ATAD3B: variants seen among roughly 807,000 people sequenced by gnomAD.
The protein encoded by ATAD3B is ATPase family AAA domain-containing protein 3B.
A neutral mutation model predicts 70.2 loss-of-function variants in ATAD3B; 59 were observed. That is an observed-to-expected ratio of 0.84 (90% CI 0.68 to 1.04). The LOEUF is 1.04. ATAD3B is among the 50% of genes least tolerant of loss of function. The pLI is 0.00. For missense variants in ATAD3B, 961 were observed against 913.4 expected (o/e 1.05, Z -0.67); for synonymous variants, 423 against 388.6 (o/e 1.09, Z -1.04).
chr1:1,485,237 A>G (rs1640142194), intron 8 of ATAD3B, 66 bp downstream of exon 8: 10 of 1,584,924 alleles, frequency 6.3e-6, no homozygotes, highest in Non-Finnish European at 8.6e-6. Context: ...CCCCACGAGC[A>G]CAGCCCACGC....
At chr1:1,500,256 T>A (rs1355124699), downstream of ATAD3B, among the ~76,000 whole-genome samples, 3 of 148,702 alleles carry the variant, frequency 2.0e-5, no homozygotes, top group Non-Finnish European at 3.0e-5. Context: ...GTTTGGGATT[T>A]TAATTATCCT....
At chr1:1,499,996 C>G (rs1343866203), downstream of ATAD3B, among the ~76,000 whole-genome samples, 1 of 151,174 alleles carries the variant, frequency 6.6e-6, no homozygotes, top group African/African-American at 2.4e-5. Flanking sequence ...CTCCCGGGTT[C>G]AAGCCATTCT....
At position 1,485,767 on chromosome 1, in the gene ATAD3B, CT is replaced by C; in HGVS notation, c.907-13del. On this transcript the variant is annotated splice_polypyrimidine_tract_variant and intron_variant, in intron 8 of 15. Transcript: ENST00000673477. ...GGCAGGTGACCCAATGGTGCTTCCCCTTCCCCTCCGGCAGGTCAGCCGGCGG... is the reference window on the plus strand; with the variant it reads ...GGCAGGTGACCCAATGGTGCTTCCCCTCCCCTCCGGCAGGTCAGCCGGCGG... 4 of 1,612,748 alleles carry C rather than the reference CT, an allele frequency of 2.5e-6. 1 individual carries two copies. Among genetic ancestry groups the C allele is most frequent in the Non-Finnish European group, 1.7e-6 (2 of 1,179,346 alleles).
intron 9 of ATAD3B, 134 bp downstream of exon 9, chr1:1,485,972 C>G: frequency 6.3e-7 from 1 of 1,588,868 alleles, no homozygotes; most frequent in Non-Finnish European, 8.6e-7. Flanking sequence ...TTGGACTGTG[C>G]CGGGGATAGA....
intron 13 of ATAD3B, 128 bp downstream of exon 13, chr1:1,489,402 G>A: frequency 6.6e-7 from 1 of 1,510,478 alleles, no homozygotes; most frequent in Non-Finnish European, 9.0e-7. Context: ...CACCTCAGAT[G>A]TCCCCTGGGA....
At chr1:1,492,529 C>T (rs1640589315) in intron 15 of ATAD3B, among the ~76,000 whole-genome samples, 1 of 151,754 alleles carries the variant, frequency 6.6e-6, no homozygotes, top group Non-Finnish European at 1.5e-5. Flanking sequence ...GGCACAGTGG[C>T]ACATGCCTGT....
chr1:1,505,580 G>T, the ATAD3B span, among the ~76,000 whole-genome samples: 4 of 152,124 alleles, frequency 2.6e-5, no homozygotes, highest in Admixed American at 6.6e-5. Flanking sequence ...TGACGCTACC[G>T]CTAGACCACG....
At chr1:1,492,844 C>T (rs1640603815) in intron 15 of ATAD3B, among the ~76,000 whole-genome samples, 1 of 151,408 alleles carries the variant, frequency 6.6e-6, no homozygotes, top group Admixed American at 6.6e-5. Context: ...GAGGCTGAGG[C>T]AGGAGGATCG....
chr1:1,489,881 T>C (rs1403589697), intron 13 of ATAD3B: 6 of 1,218,186 alleles, frequency 4.9e-6, no homozygotes, highest in Non-Finnish European at 6.3e-6. Flanking sequence ...GAGGTCCTGC[T>C]TCTGGCTCGC....
At position 1,497,311 on chromosome 1, in the gene ATAD3B, G is replaced by A. The variant is rs1168517338; in HGVS notation, c.*1494G>A. The stretch of plus-strand genomic sequence containing the variant: ...TGCAGCCTCGACCTCCCAGGCTCAA[G>A]TGATCCTCCTGCCTCAGCCTGTCCA... On this transcript the variant is annotated 3_prime_UTR_variant, in exon 16 of 16. Transcript: ENST00000673477. 1 of 148,350 alleles carries A rather than the reference G, an allele frequency of 6.7e-6. No individual in the cohort carries two copies. Among genetic ancestry groups the A allele is most frequent in the Non-Finnish European group, 1.5e-5 (1 of 67,198 alleles). The allele number at this position is 148,350 out of a possible 1,614,324, so 9.2% of individuals were successfully genotyped here.
intron 13 of ATAD3B, 64 bp from the exon 14 acceptor site, chr1:1,490,193 C>T: frequency 1.3e-6 from 2 of 1,580,510 alleles, no homozygotes; most frequent in Non-Finnish European, 1.7e-6. Flanking sequence ...TGAGGAGCCC[C>T]CGTTGCCCTC....
intron 4 of ATAD3B, among the ~76,000 whole-genome samples, chr1:1,480,421 C>G (rs1435767907): frequency 6.8e-6 from 1 of 146,516 alleles, no homozygotes; most frequent in African/African-American, 2.6e-5. Flanking sequence ...GTCTCTGGGT[C>G]TATGAGAAAA....
rs1205677970 is a variant in ATAD3B, at chr1:1,488,057, C to T, written c.1266+143C>T. The stretch of plus-strand genomic sequence containing the variant: ...GCAACCTCTGCCTCCTGGGTTCAAG[C>T]TGCTCTCCTGCCTCAGCCCCCTGAG... On this transcript the variant is annotated intron_variant, in intron 12 of 15. Transcript: ENST00000673477. 2.3e-5 allele frequency: 28 copies of T among 1,194,856 alleles called. 1 individual carries two copies. In the Admixed American group the frequency reaches 4.0e-4, roughly 17 times the overall value. The allele number at this position is 1,194,856 out of a possible 1,614,324, so 74.0% of individuals were successfully genotyped here. A position where few individuals can be genotyped will look rare whatever the true frequency, so the allele number is the denominator to read the frequency against.
Position 1,485,797 on chromosome 1 carries a change from C to T in ATAD3B, c.922C>T (p.Leu308Phe), listed in dbSNP as rs1269727827. 1 of 1,613,064 alleles carries T rather than the reference C, an allele frequency of 6.2e-7. No individual in the cohort carries two copies. The highest frequency in any genetic ancestry group is 8.5e-7 in the Non-Finnish European group (1 of 1,179,414). ...RHPIQVSRRL[L>F]SRPQDVLEGV... ...CCTCCGGCAGGTCAGCCGGCGGCTC[C>T]TCAGTCGACCCCAGGACGTGCTGGA... Residue 308 changes from leucine (L) to phenylalanine (F), a missense_variant, in exon 9 of 16, where the codon CTC becomes TTC. Leu to Phe is a conservative substitution (Grantham distance 22, BLOSUM62 0). Around this residue, in one of 4 missense-constraint regions of ATAD3B, gnomAD observed 349 missense variants for 307.5 expected, o/e 1.14. Transcript: ENST00000673477.
chr1:1,483,169 G>T lies in ATAD3B; in HGVS notation c.750+555G>T. Reference sequence around the variant, plus strand: ...AAGAAAAGAATTAGCTGGGTGTGGTGACATGTGCCTGTAATCTCGGGAGGC... The same window carrying T: ...AAGAAAAGAATTAGCTGGGTGTGGTTACATGTGCCTGTAATCTCGGGAGGC... On this transcript the variant is annotated intron_variant, in intron 7 of 15. Coordinates refer to ENST00000673477, the MANE Select transcript of ATAD3B (RefSeq NM_031921.6). 6 of 388,318 alleles carry T rather than the reference G, an allele frequency of 1.5e-5. 1 individual carries two copies. The highest frequency in any genetic ancestry group is 1.1e-4 in the South Asian group (6 of 52,884). 24.1% of individuals were successfully genotyped at this position (388,318 alleles called of 1,614,324 possible).
Position 1,479,482 on chromosome 1 carries a change from G to A in ATAD3B, c.444+374G>A, listed in dbSNP as rs1432780612. ...GGCCCACACACACACACCCCTGTGC[G>A]CACACACCCCTACACAGGGGCATGG... On this transcript the variant is annotated intron_variant, in intron 4 of 15. Coordinates refer to ENST00000673477, the MANE Select transcript of ATAD3B (RefSeq NM_031921.6). Among the ~76,000 whole-genome samples the A allele has an allele frequency of 6.7e-5, 9 of 134,364 alleles. 1 individual carries two copies. Among genetic ancestry groups the A allele is most frequent in the Admixed American group, 3.1e-4 (4 of 12,978 alleles). 88.1% of individuals were successfully genotyped at this position (134,364 alleles called of 152,430 possible). A position where few individuals can be genotyped will look rare whatever the true frequency, so the allele number is the denominator to read the frequency against.
chr1:1,472,302 G>A (rs555847561), intron 1 of ATAD3B, among the ~76,000 whole-genome samples: 155 of 152,136 alleles, frequency 1.0e-3, no homozygotes, highest in African/African-American at 3.7e-3. Context: ...TCAGGAGCGG[G>A]TCAGGTGCGA....
At chr1:1,482,367 C>T (rs1411839778) in intron 6 of ATAD3B, 64 bp downstream of exon 6, 2 of 1,567,802 alleles carry the variant, frequency 1.3e-6, no homozygotes, top group Non-Finnish European at 1.7e-6. Flanking sequence ...TCGCTGGTCC[C>T]AGGGCGCTCT....
intron 10 of ATAD3B, 142 bp from the exon 11 acceptor site, chr1:1,486,402 G>A: frequency 6.3e-7 from 1 of 1,586,472 alleles, no homozygotes. Flanking sequence ...CCATCTTCCA[G>A]GCGGGGGACG....
Sources: allele counts gnomAD v4.1 joint callset (sites outside exome capture counted in the v4.1 genomes callset), GRCh38; gene constraint gnomAD v4.1.1; regional missense constraint gnomAD v4.1.1; transcripts MANE v1.5; gene names NCBI Gene and HGNC (gene_info 2026-07-23, HGNC 2026-07-21).